Variants in BMPER observed in about 807,000 individuals in gnomAD.
BMPER encodes BMP-binding endothelial regulator protein.
Under a neutral mutation model 87.3 loss-of-function variants are expected in BMPER, and 45 were observed. The observed-to-expected ratio is 0.52, with a 90% CI of 0.41 to 0.66. The LOEUF is 0.66. Among genes scored for constraint, BMPER ranks in the 30% least tolerant of loss-of-function variants. The pLI is 0.00. For synonymous variants in BMPER, 326 were observed against 316.2 expected (o/e 1.03, Z -0.33); for missense variants, 784 against 867.5 (o/e 0.90, Z 1.21).
Position 34,156,236 on chromosome 7 carries a change from C to T in BMPER, c.*2963C>T, listed in dbSNP as rs891767258. Among the ~76,000 whole-genome samples the T allele has an allele frequency of 2.6e-5, 4 of 152,134 alleles. No homozygotes were observed. The highest frequency in any genetic ancestry group is 1.5e-5 in the Non-Finnish European group (1 of 68,034). On this transcript the variant is annotated 3_prime_UTR_variant, in exon 15 of 15. Transcript: ENST00000649409. Reference sequence around the variant, plus strand: ...GCTTCTCCCAGCTTTCACTGAAACACGGATAAACCATTTCAACTGGAAAAC... The same window carrying T: ...GCTTCTCCCAGCTTTCACTGAAACATGGATAAACCATTTCAACTGGAAAAC...
intron 3 of BMPER, among the ~76,000 whole-genome samples, chr7:33,963,651 G>A (rs1451554276): frequency 3.3e-5 from 5 of 151,978 alleles, no homozygotes; most frequent in African/African-American, 7.3e-5. Flanking sequence ...AAAATTAGCC[G>A]GGCGTGGTGG....
In BMPER at chr7:34,153,123, T is replaced by C. The variant is rs1791224067; in HGVS notation, c.1908T>C (p.Asp636=). The change falls in exon 15 of 15, where the codon GAT becomes GAC. Residue 636 remains aspartate, a synonymous_variant. Transcript: ENST00000649409. ...AGTGTAAGCATGGTGCTGTGTACGATACCTGTGGTCCGGGATGTATCAAGA... is the reference window on the plus strand; with the variant it reads ...AGTGTAAGCATGGTGCTGTGTACGACACCTGTGGTCCGGGATGTATCAAGA... The part of the protein sequence containing the change: ...ATQCKHGAVY[D]TCGPGCIKTC... 1 of 1,614,040 alleles carries C rather than the reference T, an allele frequency of 6.2e-7. No individual in the cohort carries two copies. Among genetic ancestry groups the C allele is most frequent in the Non-Finnish European group, 8.5e-7 (1 of 1,179,928 alleles).
intron 13 of BMPER, among the ~76,000 whole-genome samples, chr7:34,129,667 A>G (rs1037887109): frequency 1.3e-5 from 2 of 151,694 alleles, no homozygotes; most frequent in East Asian, 3.9e-4. Flanking sequence ...AAAGAAAGAA[A>G]GAAAGAAAGA....
chr7:34,009,758 T>A (rs1051580622), intron 6 of BMPER, among the ~76,000 whole-genome samples: 1 of 151,918 alleles, frequency 6.6e-6, no homozygotes, highest in Non-Finnish European at 1.5e-5. Flanking sequence ...CCAAGTCTCC[T>A]CTTTTGGCTT....
rs531558222 is a variant in BMPER at position 34,063,118 on chromosome 7, G to A, written c.1078+1071G>A. 1.4e-4 allele frequency among the ~76,000 whole-genome samples: 21 copies of A among 152,280 alleles called. No individual in the cohort carries two copies. The South Asian group carries it at 4.1e-3, about 30-fold the overall frequency. ...TTCCTGGAGTGTTTTATTGAAAGAGGAGTATTAGTAATGTCACTGTCAAAT... is the reference window on the plus strand; with the variant it reads ...TTCCTGGAGTGTTTTATTGAAAGAGAAGTATTAGTAATGTCACTGTCAAAT... On this transcript the variant is annotated intron_variant, in intron 11 of 14. Coordinates refer to ENST00000649409, the MANE Select transcript of BMPER (RefSeq NM_001365308.1).
At chr7:33,961,212 G>C (rs1785262798) in intron 3 of BMPER, among the ~76,000 whole-genome samples, 1 of 152,178 alleles carries the variant, frequency 6.6e-6, no homozygotes, top group African/African-American at 2.4e-5. Flanking sequence ...GCAGAATAGA[G>C]GATGAAGAGG....
intron 2 of BMPER, among the ~76,000 whole-genome samples, chr7:33,915,229 T>A (rs1784063457): frequency 6.6e-6 from 1 of 152,204 alleles, no homozygotes; most frequent in Non-Finnish European, 1.5e-5. Flanking sequence ...GTCATTGGAA[T>A]GTTTCTATAG....
intron 13 of BMPER, among the ~76,000 whole-genome samples, chr7:34,100,339 G>A (rs1789647287): frequency 6.6e-6 from 1 of 152,218 alleles, no homozygotes; most frequent in African/African-American, 2.4e-5. Flanking sequence ...GAGGGGAAAA[G>A]CAGATGAATC....
intron 5 of BMPER, among the ~76,000 whole-genome samples, chr7:33,973,491 C>T (rs1310188552): frequency 6.6e-6 from 1 of 152,222 alleles, no homozygotes; most frequent in African/African-American, 2.4e-5. Flanking sequence ...CTCAGTAGCA[C>T]TTGTCTGCAT....
chr7:34,044,935 G>C (rs2127957118), intron 6 of BMPER, among the ~76,000 whole-genome samples: 1 of 152,304 alleles, frequency 6.6e-6, no homozygotes, highest in South Asian at 2.1e-4. Context: ...GGAACGGACA[G>C]GCCCCTGGTG....
intron 6 of BMPER, among the ~76,000 whole-genome samples, chr7:34,025,616 T>C (rs1416513633): frequency 1.3e-4 from 20 of 151,934 alleles, no homozygotes; most frequent in Admixed American, 1.3e-3. Context: ...TGCTAGGCAA[T>C]TAAGTATTCA....
intron 12 of BMPER, among the ~76,000 whole-genome samples, chr7:34,080,177 C>T (rs940311872): frequency 6.6e-6 from 1 of 152,136 alleles, no homozygotes; most frequent in Admixed American, 6.5e-5. Flanking sequence ...AAGAATTTAA[C>T]AAGTGTGAAA....
At chr7:33,923,513 GTA>G (rs1784284955) in intron 2 of BMPER, among the ~76,000 whole-genome samples, 3 of 152,204 alleles carry the variant, frequency 2.0e-5, no homozygotes, top group Non-Finnish European at 4.4e-5. Context: ...GTGATAATTA[GTA>G]GTAGTGGGAG....
At chr7:33,942,337 G>A (rs924511555) in intron 3 of BMPER, among the ~76,000 whole-genome samples, 1 of 152,082 alleles carries the variant, frequency 6.6e-6, no homozygotes, top group Non-Finnish European at 1.5e-5. Context: ...GTACTTTCTT[G>A]GAGCCAGGCA....
rs780149587 is a variant in BMPER, at chr7:34,055,164, A to G, written c.788A>G (p.Asp263Gly). 4.3e-6 allele frequency: 7 copies of G among 1,614,086 alleles called. No individual in the cohort carries two copies. Among genetic ancestry groups the G allele is most frequent in the Non-Finnish European group, 5.9e-6 (7 of 1,180,002 alleles). Residue 263 changes from aspartate to glycine, a missense_variant and splice_region_variant, in exon 9 of 15, where the codon GAC (aspartate) becomes GGC (glycine). By Grantham distance (94) the Asp-to-Gly change is moderately conservative. Coordinates refer to ENST00000649409, the MANE Select transcript of BMPER (RefSeq NM_001365308.1). ...YDNCTACTCR[D>G]STVVCKRKCS... Reference sequence around the variant, plus strand: ...TCTATTTTGCCTTTGGGCCCCCAGGACTCTACTGTGGTTTGCAAGAGGAAG... The same window carrying G: ...TCTATTTTGCCTTTGGGCCCCCAGGGCTCTACTGTGGTTTGCAAGAGGAAG...
rs936265012 is a variant in BMPER at position 33,941,192 on chromosome 7, A to G, written c.319+3804A>G. 1.5e-3 allele frequency among the ~76,000 whole-genome samples: 216 copies of G among 141,574 alleles called. 2 individuals carry two copies. The highest frequency in any genetic ancestry group is 5.5e-3 in the African/African-American group (212 of 38,594). 92.9% of individuals were successfully genotyped at this position (141,574 alleles called of 152,430 possible). ...TATATTTATATATAATATAATTTAT[A>G]TATGTTAGAAATAAAAATATAATTT... On this transcript the variant is annotated intron_variant, in intron 3 of 14. Coordinates refer to ENST00000649409, the MANE Select transcript of BMPER (RefSeq NM_001365308.1).
chr7:34,012,943 A>C (rs1351875701), intron 6 of BMPER, among the ~76,000 whole-genome samples: 1 of 151,970 alleles, frequency 6.6e-6, no homozygotes, highest in Non-Finnish European at 1.5e-5. Context: ...TTACTAGCTC[A>C]CATGTTTTTG....
intron 6 of BMPER, among the ~76,000 whole-genome samples, chr7:33,978,985 G>A (rs774513693): frequency 1.3e-5 from 2 of 152,110 alleles, no homozygotes; most frequent in Non-Finnish European, 2.9e-5. Context: ...GGGACTAACT[G>A]TACTGGCAGT....
chr7:33,949,782 A>G (rs1269561467), intron 3 of BMPER, among the ~76,000 whole-genome samples: 3 of 152,322 alleles, frequency 2.0e-5, no homozygotes, highest in African/African-American at 7.2e-5. Context: ...ACAAGAAAAA[A>G]ACAAGACAAA....
Sources: gnomAD v4.1 joint callset for allele counts (sites outside exome capture counted in the v4.1 genomes callset) on GRCh38, gnomAD v4.1.1 for gene constraint, MANE v1.5 for transcripts, NCBI Gene and HGNC (gene_info 2026-07-23, HGNC 2026-07-21) for gene names.